ERBIN: variants seen among roughly 807,000 people sequenced by gnomAD.
ERBIN encodes the protein erbb2 interacting protein.
A neutral mutation model predicts 158.4 loss-of-function variants in ERBIN; 60 were observed. The ratio of observed to expected loss-of-function variants is 0.38; its 90% CI spans 0.31 to 0.47. The LOEUF is 0.47. Ranked by LOEUF, ERBIN falls within the 20% of genes least tolerant of loss-of-function variation. The pLI is 0.99. For missense variants in ERBIN, 1,610 were observed against 1,648.0 expected (o/e 0.98, Z 0.40); for synonymous variants, 594 against 557.2 (o/e 1.07, Z -0.93).
At chr5:65,989,862 CCTAA>C (rs146664783) in intron 2 of ERBIN, among the ~76,000 whole-genome samples, 11,739 of 152,186 alleles carry the variant, frequency 0.077, 683 homozygotes, top group East Asian at 0.26. Flanking sequence ...TAAGTGTCCT[CCTAA>C]CTCAGTATCA....
At chr5:65,950,742 T>C (rs1490037631) in intron 1 of ERBIN, among the ~76,000 whole-genome samples, 1 of 152,206 alleles carries the variant, frequency 6.6e-6, no homozygotes, top group Non-Finnish European at 1.5e-5. Context: ...GATACTTTGA[T>C]ACTATTTCTC....
intron 21 of ERBIN, chr5:66,068,837 C>CT (rs1367670272): frequency 6.8e-7 from 1 of 1,479,248 alleles, no homozygotes; most frequent in African/African-American, 1.4e-5. Context: ...ATTTTGCATG[C>CT]TACACTAATC....
At chr5:65,963,395 A>C (rs1000437289) in intron 1 of ERBIN, among the ~76,000 whole-genome samples, 1 of 152,182 alleles carries the variant, frequency 6.6e-6, no homozygotes, top group Admixed American at 6.6e-5. Context: ...AAAACTTTAC[A>C]TGACAGCCTG....
Position 66,050,460 on chromosome 5 carries a change from T to G in ERBIN, c.1904-323T>G, listed in dbSNP as rs1450213687. 2.9e-4 allele frequency among the ~76,000 whole-genome samples: 2 copies of G among 6,976 alleles called. 1 individual carries two copies. 4.6% of individuals were successfully genotyped at this position (6,976 alleles called of 152,430 possible). ...CGGGGTTTCACCGTTTTAGCCGGGA[T>G]GGCCTCGATCTCCTGACCTCGTGAT... On this transcript the variant is annotated intron_variant, in intron 19 of 25. Transcript: ENST00000284037.
Position 66,050,845 on chromosome 5 carries a change from A to G in ERBIN, c.1966A>G (p.Ser656Gly). The part of the protein sequence containing the change: ...EVTHNSNQNN[S>G]NCSSPSRMSD... ...TACACACAATAGCAATCAGAATAAC[A>G]GCAATTGTTCTTCTCCATCTCGGAT... is the stretch of plus-strand genomic sequence containing the variant. The change falls in exon 20 of 26, where the codon AGC becomes GGC. Residue 656 changes from serine (S) to glycine (G), a missense_variant. Coordinates refer to ENST00000284037, the MANE Select transcript of ERBIN (RefSeq NM_001253697.2). 6.2e-7 allele frequency: 1 copy of G among 1,602,218 alleles called. No individual in the cohort carries two copies. Among genetic ancestry groups the G allele is most frequent in the South Asian group, 1.1e-5 (1 of 88,646 alleles).
intron 1 of ERBIN, among the ~76,000 whole-genome samples, chr5:65,978,673 C>A (rs1413976875): frequency 2.0e-5 from 3 of 152,172 alleles, no homozygotes; most frequent in Non-Finnish European, 2.9e-5. Context: ...GAATTAGGAT[C>A]CTTGAATGAC....
intron 1 of ERBIN, among the ~76,000 whole-genome samples, chr5:65,944,163 G>A (rs892383117): frequency 1.2e-4 from 18 of 150,944 alleles, no homozygotes; most frequent in South Asian, 2.1e-4. Flanking sequence ...TATATACACC[G>A]AAGCGGAATT....
intron 1 of ERBIN, among the ~76,000 whole-genome samples, chr5:65,948,302 G>A (rs1270372475): frequency 6.6e-6 from 1 of 151,760 alleles, no homozygotes; most frequent in Non-Finnish European, 1.5e-5. Flanking sequence ...AGCCTCCCAA[G>A]TAGCTGGGAC....
At chr5:66,003,716 T>C (rs1753240045) in intron 4 of ERBIN, among the ~76,000 whole-genome samples, 1 of 152,080 alleles carries the variant, frequency 6.6e-6, no homozygotes, top group Non-Finnish European at 1.5e-5. Context: ...AGGAGAACAC[T>C]GAGGCCTCCA....
chr5:66,075,038 T>G lies in ERBIN; in HGVS notation c.3771T>G (p.Asn1257Lys). 1.2e-6 allele frequency: 2 copies of G among 1,614,188 alleles called. No homozygotes were observed. Among genetic ancestry groups the G allele is most frequent in the Non-Finnish European group, 1.7e-6 (2 of 1,180,014 alleles). The change falls in exon 23 of 26, where the codon AAT (asparagine) becomes AAG (lysine). Residue 1257 changes from asparagine to lysine, a missense_variant. By Grantham distance (94) the Asn-to-Lys change is moderately conservative (BLOSUM62 0). This residue lies in a region of ERBIN where 1,014 missense variants were observed against 936.1 expected (regional missense o/e 1.08). Transcript: ENST00000284037. ...PDSLMKMPLSNGQMGQPLRPQ... is the reference protein window; with the variant it reads ...PDSLMKMPLSKGQMGQPLRPQ... ...GTTTTTCTTAGATGCCTTTGAGTAA[T>G]GGACAGATGGGCCAGCCTCTCAGGC...
intron 1 of ERBIN, among the ~76,000 whole-genome samples, chr5:65,953,662 T>TTTTTC (rs1746770695): frequency 6.6e-6 from 1 of 152,198 alleles, no homozygotes; most frequent in South Asian, 2.1e-4. Flanking sequence ...ATTTGCTAAG[T>TTTTTC]TTTTCTTGAT....
chr5:66,081,927 ACAGG>A lies in ERBIN; in HGVS notation c.*3401_*3404del, dbSNP rs1158494842. ...AAAAAAAAAAGAAAAAGTAATCTAG[ACAGG>A]CAGCCAACTCAGACCTTTGGGTATT... On this transcript the variant is annotated 3_prime_UTR_variant, in exon 26 of 26. Coordinates refer to ENST00000284037, the MANE Select transcript of ERBIN (RefSeq NM_001253697.2). The A allele has an allele frequency of 6.6e-6, 1 of 152,100 alleles. No individual in the cohort carries two copies. The highest frequency in any genetic ancestry group is 1.9e-4 in the East Asian group (1 of 5,202). 9.4% of individuals were successfully genotyped at this position (152,100 alleles called of 1,614,324 possible). A position where few individuals can be genotyped will look rare whatever the true frequency, so the allele number is the denominator to read the frequency against.
At chr5:66,074,981 A>C in intron 22 of ERBIN, 43 bp from the exon 23 acceptor site, 1 of 1,553,658 alleles carries the variant, frequency 6.4e-7, no homozygotes, top group Non-Finnish European at 8.9e-7. Context: ...TTGAAATAAG[A>C]CATTATTATT....
intron 1 of ERBIN, among the ~76,000 whole-genome samples, chr5:65,927,458 T>C (rs1742794570): frequency 6.6e-6 from 1 of 152,266 alleles, no homozygotes; most frequent in East Asian, 1.9e-4. Context: ...GTTTAATTAA[T>C]TGAAAGCAAG....
chr5:65,998,701 A>G (rs1752698230), intron 4 of ERBIN, among the ~76,000 whole-genome samples: 1 of 151,966 alleles, frequency 6.6e-6, no homozygotes, highest in South Asian at 2.1e-4. Context: ...GTTTGAGATC[A>G]GCCTGGGCGA....
rs576054005 is a variant in ERBIN, at chr5:65,952,583, A to C, written c.-58+25777A>C. 3.9e-5 allele frequency among the ~76,000 whole-genome samples: 6 copies of C among 152,012 alleles called. No homozygotes were observed. The South Asian group carries it at 1.0e-3, about 26-fold the overall frequency. ...TTTTTCTAGATTAACAATTGGACTT[A>C]CTGTTTAAACTTTGAGATACTTTCC... On this transcript the variant is annotated intron_variant, in intron 1 of 25. Transcript: ENST00000284037.
intron 21 of ERBIN, among the ~76,000 whole-genome samples, chr5:66,071,772 AG>A (rs2151298486): frequency 6.8e-6 from 1 of 146,130 alleles, no homozygotes; most frequent in Admixed American, 6.8e-5. Context: ...GCTCAACATG[AG>A]TGTGTTTTAG....
chr5:65,986,004 C>T (rs1751188606), intron 1 of ERBIN, among the ~76,000 whole-genome samples: 1 of 152,030 alleles, frequency 6.6e-6, no homozygotes, highest in African/African-American at 2.4e-5. Flanking sequence ...TTTTGCCTCA[C>T]TTGGCTGCTT....
chr5:66,002,268 A>G (rs1474341590), intron 4 of ERBIN, among the ~76,000 whole-genome samples: 8 of 152,220 alleles, frequency 5.3e-5, no homozygotes, highest in Non-Finnish European at 1.5e-5. Flanking sequence ...TAGTGCTGCA[A>G]TAAACATAAT....
Sources: gnomAD v4.1 joint callset for allele counts (sites outside exome capture counted in the v4.1 genomes callset) on GRCh38, gnomAD v4.1.1 for gene constraint, gnomAD v4.1.1 regional missense constraint, MANE v1.5 for transcripts, NCBI Gene and HGNC (gene_info 2026-07-23, HGNC 2026-07-21) for gene names.